The following PCDHA3 variants were observed in gnomAD, a reference collection of about 807,000 sequenced individuals.
PCDHA3 encodes the protein protocadherin alpha 3, also known as protocadherin alpha-3.
PCDHA3 carries 41 observed loss-of-function variants against 62.2 expected under a neutral mutation model. The ratio of observed to expected loss-of-function variants is 0.66; its 90% confidence interval spans 0.51 to 0.86. The LOEUF is 0.86. Among genes scored for constraint, PCDHA3 ranks in the 40% least tolerant of loss-of-function variants. The pLI is 0.00. For missense variants in PCDHA3, 1,304 were observed against 1,241.2 expected, an observed-to-expected ratio of 1.05 and a Z score of -0.76; for synonymous variants, 640 against 555.4, an observed-to-expected ratio of 1.15 and a Z score of -2.14.
chr5:140,908,998 C>G (rs2074255436), intron 1 of PCDHA3, among the ~76,000 whole-genome samples: 1 of 152,156 alleles, frequency 6.6e-6, no homozygotes, highest in South Asian at 2.1e-4. Flanking sequence ...AGAAATTTTA[C>G]TGAGGTAGAA....
rs782703795 is a variant in PCDHA3 at position 140,802,458 on chromosome 5, T to G, written c.1261T>G (p.Tyr421Asp). 19 of 1,614,098 alleles carry G rather than the reference T, an allele frequency of 1.2e-5. No individual in the cohort carries two copies. Among genetic ancestry groups the G allele is most frequent in the Non-Finnish European group, 1.6e-5 (19 of 1,180,044 alleles). Residue 421 changes from tyrosine to aspartate, a missense_variant, in exon 1 of 4, where the codon TAT (tyrosine) becomes GAT (aspartate). Physicochemically the swap from Tyr to Asp is radical, Grantham distance 160. Coordinates refer to ENST00000522353, the MANE Select transcript of PCDHA3 (RefSeq NM_018906.3). The part of the protein sequence containing the change: ...SPLDRESVSA[Y>D]ELVVTARDGG... ...TCTGGACCGCGAGAGCGTGTCGGCC[T>G]ATGAGCTGGTGGTGACTGCTCGGGA... is the stretch of plus-strand genomic sequence containing the variant.
chr5:140,835,627 G>A, intron 1 of PCDHA3: 1 of 1,613,916 alleles, frequency 6.2e-7, no homozygotes, highest in Non-Finnish European at 8.5e-7. Flanking sequence ...GCTCTGGACC[G>A]CGAGAGTGTG....
At chr5:140,965,689 A>T (rs2095924180) in intron 1 of PCDHA3, among the ~76,000 whole-genome samples, 2 of 152,266 alleles carry the variant, frequency 1.3e-5, no homozygotes, top group African/African-American at 4.8e-5. Context: ...TTGAAGCAAG[A>T]TTAGAAAAAG....
At chr5:140,969,535 T>C (rs1221394283) in intron 1 of PCDHA3, 27 of 1,341,822 alleles carry the variant, frequency 2.0e-5, no homozygotes, top group Non-Finnish European at 2.5e-5. Flanking sequence ...TTTTTCATTT[T>C]CAGAGGCATG....
intron 1 of PCDHA3, chr5:140,825,744 G>T (rs181658455): frequency 3.9e-5 from 6 of 152,526 alleles, no homozygotes; most frequent in African/African-American, 1.4e-4. Flanking sequence ...TTGATGAGGA[G>T]TAACTGTGAA....
At chr5:140,955,990 T>C (rs246015) in intron 1 of PCDHA3, among the ~76,000 whole-genome samples, 48,106 of 152,064 alleles carry the variant, frequency 0.32, 7,958 homozygotes, top group East Asian at 0.53. Context: ...TTTTTGCACA[T>C]TGATTTTGTA....
intron 1 of PCDHA3, chr5:140,875,972 T>C (rs782102743): frequency 3.1e-6 from 5 of 1,614,068 alleles, no homozygotes; most frequent in Non-Finnish European, 4.2e-6. Flanking sequence ...GTAAACTCTC[T>C]TTTGACCTAT....
intron 1 of PCDHA3, among the ~76,000 whole-genome samples, chr5:140,950,428 T>G (rs408652): frequency 0.56 from 85,077 of 151,214 alleles, 24,477 homozygotes; most frequent in African/African-American, 0.69. Context: ...TTTCTTCCAC[T>G]TAAAAAAAAT....
At chr5:140,808,543 T>G (rs143191768) in intron 1 of PCDHA3, 34,370 of 1,614,050 alleles carry the variant, frequency 0.021, 441 homozygotes, top group Non-Finnish European at 0.026. Context: ...ACGACAACGC[T>G]CCGGCGTTCG....
At chr5:140,870,587 A>T (rs1185262788) in intron 1 of PCDHA3, 2 of 1,613,660 alleles carry the variant, frequency 1.2e-6, no homozygotes, top group East Asian at 2.2e-5. Flanking sequence ...TCGCTGGTGG[A>T]GCGGCGGTTG....
At chr5:140,830,361 G>A (rs147693617) in intron 1 of PCDHA3, 1 of 1,614,126 alleles carries the variant, frequency 6.2e-7, no homozygotes, top group East Asian at 2.2e-5. Context: ...AGGCGGCAGA[G>A]GGTGTGCTCC....
chr5:140,849,542 G>T lies in PCDHA3; in HGVS notation c.2394+45951G>T. On this transcript the variant is annotated intron_variant, in intron 1 of 3. Coordinates refer to ENST00000522353, the MANE Select transcript of PCDHA3 (RefSeq NM_018906.3). ...TGGATGTAAATGACAATGCTCCACAGTTGACTATCAAAACGCTCTCGGTTC... is the reference window on the plus strand; with the variant it reads ...TGGATGTAAATGACAATGCTCCACATTTGACTATCAAAACGCTCTCGGTTC... 3.1e-6 allele frequency: 5 copies of T among 1,598,272 alleles called. No homozygotes were observed. The South Asian group carries it at 5.5e-5, about 18-fold the overall frequency.
chr5:140,999,363 A>G (rs772527438), intron 3 of PCDHA3, among the ~76,000 whole-genome samples: 1 of 152,198 alleles, frequency 6.6e-6, no homozygotes, highest in Non-Finnish European at 1.5e-5. Flanking sequence ...AATGTTCACA[A>G]TCCCATTAGA....
rs186574903 is a variant in PCDHA3, at chr5:140,898,271, A to T, written c.2395-80678A>T. On this transcript the variant is annotated intron_variant, in intron 1 of 3. Transcript: ENST00000522353. The stretch of plus-strand genomic sequence containing the variant: ...AGACATGAAGTCCTTGCCCATGCCT[A>T]AGTTCTGAATGGTAATGCCTAGGTT... 4.6e-3 allele frequency among the ~76,000 whole-genome samples: 703 copies of T among 152,290 alleles called. 3 individuals carry two copies. The highest frequency in any genetic ancestry group is 0.016 in the African/African-American group (680 of 41,550).
intron 1 of PCDHA3, chr5:140,829,278 A>G: frequency 6.2e-7 from 1 of 1,614,236 alleles, no homozygotes; most frequent in Non-Finnish European, 8.5e-7. Flanking sequence ...GTCCCTTTCA[A>G]GCTGGTGTCC....
At chr5:140,842,326 C>T (rs1406099374) in intron 1 of PCDHA3, 4 of 1,606,084 alleles carry the variant, frequency 2.5e-6, no homozygotes, top group African/African-American at 1.3e-5. Flanking sequence ...GTCATTGCAC[C>T]GTTTTAGTGA....
intron 1 of PCDHA3, chr5:140,857,275 C>T: frequency 6.3e-7 from 1 of 1,598,374 alleles, no homozygotes; most frequent in Non-Finnish European, 8.6e-7. Context: ...TGGTGCTGGA[C>T]AGCGCTCTGG....
In PCDHA3 at chr5:140,876,415, G is replaced by T; in HGVS notation, c.2394+72824G>T. On this transcript the variant is annotated intron_variant, in intron 1 of 3. Transcript: ENST00000522353. Reference sequence around the variant, plus strand: ...TGAACTGGATTTTGAAGAGAATAATGCCTATGAAATTCAGGTTAACGCCAT... The same window carrying T: ...TGAACTGGATTTTGAAGAGAATAATTCCTATGAAATTCAGGTTAACGCCAT... The T allele has an allele frequency of 2.5e-6, 4 of 1,613,960 alleles. 1 individual carries two copies. The highest frequency in any genetic ancestry group is 3.4e-6 in the Non-Finnish European group (4 of 1,179,898).
chr5:140,837,661 T>C (rs1775184635), intron 1 of PCDHA3, among the ~76,000 whole-genome samples: 1 of 151,786 alleles, frequency 6.6e-6, no homozygotes, highest in East Asian at 1.9e-4. Flanking sequence ...TCCTTTTTCT[T>C]TCATTCTTTT....
Sources: gnomAD v4.1 joint callset for allele counts (sites outside exome capture counted in the v4.1 genomes callset) on GRCh38, gnomAD v4.1.1 for gene constraint, MANE v1.5 for transcripts, NCBI Gene and HGNC (gene_info 2026-07-23, HGNC 2026-07-21) for gene names.